Variants in CRB1 observed in about 807,000 individuals in gnomAD.
CRB1 encodes crumbs cell polarity complex component 1.
A neutral mutation model predicts 120.0 loss-of-function variants in CRB1; 83 were observed. The observed-to-expected ratio is 0.69, with a 90% CI of 0.58 to 0.83. The LOEUF (loss-of-function observed/expected upper bound fraction) is 0.83, where lower values mean the gene tolerates loss of function less well. CRB1 is among the 40% of genes least tolerant of loss of function. The pLI, the probability that CRB1 is intolerant of heterozygous loss-of-function variation, is 0.00. For synonymous variants in CRB1, 625 were observed against 612.5 expected, an observed-to-expected ratio of 1.02 and a Z score of -0.30; for missense variants, 1,699 against 1,687.6, an observed-to-expected ratio of 1.01 and a Z score of -0.12.
At chr1:197,219,734 C>T in the CRB1 span, among the ~76,000 whole-genome samples, 3 of 152,196 alleles carry the variant, frequency 2.0e-5, no homozygotes, top group South Asian at 4.1e-4. Context: ...CTCAACAAAA[C>T]TTGTATGATC....
the CRB1 span, among the ~76,000 whole-genome samples, chr1:197,219,619 G>A: frequency 2.0e-5 from 3 of 152,200 alleles, no homozygotes; most frequent in Admixed American, 2.0e-4. Context: ...CAGCGAATAC[G>A]CAGAGGAGTA....
intron 6 of CRB1, 76 bp from the exon 7 acceptor site, chr1:197,427,378 T>C: frequency 7.5e-7 from 1 of 1,329,104 alleles, no homozygotes; most frequent in East Asian, 2.3e-5. Context: ...ATAATTTTCG[T>C]CTTCCATCCC....
chr1:197,324,024 A>G (rs1290121032), intron 1 of CRB1, among the ~76,000 whole-genome samples: 1 of 152,198 alleles, frequency 6.6e-6, no homozygotes, highest in Non-Finnish European at 1.5e-5. Flanking sequence ...AAACTTTCTC[A>G]GTGAGGCCAC....
chr1:197,268,621 T>C (rs905272868), intron 1 of CRB1, 139 bp downstream of exon 1: 2 of 669,528 alleles, frequency 3.0e-6, no homozygotes, highest in Non-Finnish European at 5.2e-6. Flanking sequence ...TTTTTAAGTG[T>C]CCTGTGTTAA....
rs1330500107 is a variant in CRB1 at position 197,362,069 on chromosome 1, T to TTCCTTTTTGACA, written c.1171+5068_1171+5079dup. 1.4e-3 allele frequency among the ~76,000 whole-genome samples: 217 copies of TTCCTTTTTGACA among 152,180 alleles called. 2 individuals carry two copies. The highest frequency in any genetic ancestry group is 8.1e-4 in the Non-Finnish European group (55 of 67,918). Reference sequence around the variant, plus strand: ...AATACTGTTCTGTGTATTTTTAAAATTCCTTTTTGACATCCTTTTTGACCT... The same window carrying TTCCTTTTTGACA: ...AATACTGTTCTGTGTATTTTTAAAATTCCTTTTTGACATCCTTTTTGACATCCTTTTTGACCT... On this transcript the variant is annotated intron_variant, in intron 5 of 11. Coordinates refer to ENST00000367400, the MANE Select transcript of CRB1 (RefSeq NM_201253.3).
intron 5 of CRB1, among the ~76,000 whole-genome samples, chr1:197,392,385 A>G (rs1662551950): frequency 6.6e-6 from 1 of 152,162 alleles, no homozygotes; most frequent in Admixed American, 6.6e-5. Flanking sequence ...TAACAGGATC[A>G]TAATTATAGA....
chr1:197,327,583 T>A (rs1490692031), intron 1 of CRB1, among the ~76,000 whole-genome samples: 1 of 152,226 alleles, frequency 6.6e-6, no homozygotes, highest in Non-Finnish European at 1.5e-5. Flanking sequence ...TGGGTCTTCA[T>A]CTTCCTTAAA....
intron 5 of CRB1, among the ~76,000 whole-genome samples, chr1:197,394,048 A>G (rs1662645656): frequency 6.6e-6 from 1 of 152,064 alleles, no homozygotes; most frequent in Admixed American, 6.6e-5. Context: ...CTAGAACAAC[A>G]TGGGTTTGAA....
rs769045404 is a variant in CRB1 at position 197,328,909 on chromosome 1, A to C, written c.558A>C (p.Glu186Asp). The change falls in exon 2 of 12, where the codon GAA (glutamate) becomes GAC (aspartate). Residue 186 changes from glutamate to aspartate, a missense_variant. By Grantham distance (45) the Glu-to-Asp change is conservative (BLOSUM62 2). Transcript: ENST00000367400. ...ATCAAGGCAGACACTGCGACTTGGA[A>C]GTGGATGAATGTGCTTCAGATCCCT... is the stretch of plus-strand genomic sequence containing the variant. The part of the protein sequence containing the change: ...PGYQGRHCDL[E>D]VDECASDPCK... 1 of 1,614,246 alleles carries C rather than the reference A, an allele frequency of 6.2e-7. No homozygotes were observed. The highest frequency in any genetic ancestry group is 8.5e-7 in the Non-Finnish European group (1 of 1,180,052).
intron 5 of CRB1, among the ~76,000 whole-genome samples, chr1:197,378,544 T>A (rs1661768854): frequency 6.6e-6 from 1 of 152,208 alleles, no homozygotes. Flanking sequence ...AAAAGGGAAC[T>A]AGACCTACTT....
chr1:197,288,191 T>C (rs1175551410), intron 1 of CRB1, among the ~76,000 whole-genome samples: 1 of 151,692 alleles, frequency 6.6e-6, no homozygotes, highest in South Asian at 2.1e-4. Flanking sequence ...AGCACATGCA[T>C]GTAAGGAAAG....
intron 5 of CRB1, among the ~76,000 whole-genome samples, chr1:197,415,193 G>A (rs1282899043): frequency 6.6e-6 from 1 of 152,174 alleles, no homozygotes; most frequent in African/African-American, 2.4e-5. Flanking sequence ...GGATAAATGA[G>A]AGTGTACTGT....
At chr1:197,277,911 A>G (rs893207419) in intron 1 of CRB1, among the ~76,000 whole-genome samples, 2 of 151,902 alleles carry the variant, frequency 1.3e-5, no homozygotes, top group Admixed American at 6.6e-5. Flanking sequence ...TGATGAGCAG[A>G]GTGTTTTTAG....
intron 1 of CRB1, among the ~76,000 whole-genome samples, chr1:197,326,722 C>A (rs1319135150): frequency 6.6e-6 from 1 of 151,934 alleles, no homozygotes. Flanking sequence ...GGGAACAGAA[C>A]CTTTTTAATT....
the CRB1 span, among the ~76,000 whole-genome samples, chr1:197,239,474 T>A: frequency 6.6e-6 from 1 of 152,110 alleles, no homozygotes; most frequent in African/African-American, 2.4e-5. Flanking sequence ...GTCTGGTAAT[T>A]TTCTTTGCTG....
the CRB1 span, among the ~76,000 whole-genome samples, chr1:197,261,972 C>CT: frequency 6.6e-6 from 1 of 152,048 alleles, no homozygotes; most frequent in African/African-American, 2.4e-5. Context: ...GAAGATAAAT[C>CT]TTTGTACTCT....
intron 11 of CRB1, among the ~76,000 whole-genome samples, chr1:197,448,658 T>A (rs950575315): frequency 1.3e-5 from 2 of 152,216 alleles, no homozygotes; most frequent in African/African-American, 4.8e-5. Flanking sequence ...GACATACTTT[T>A]GTCCTTCCAG....
At chr1:197,222,513 G>A in the CRB1 span, 3 of 768,270 alleles carry the variant, frequency 3.9e-6, no homozygotes, top group Non-Finnish European at 7.3e-6. Flanking sequence ...GGAGAATGCA[G>A]TTCCGTTTGG....
At chr1:197,357,041 T>C (rs1660521705) in intron 5 of CRB1, 28 bp downstream of exon 5, 1 of 1,611,238 alleles carries the variant, frequency 6.2e-7, no homozygotes, top group East Asian at 2.2e-5. Context: ...GGATATGACT[T>C]GACTTTCTGG....
Sources: gnomAD v4.1 joint callset for allele counts (sites outside exome capture counted in the v4.1 genomes callset) on GRCh38, gnomAD v4.1.1 for gene constraint, MANE v1.5 for transcripts, NCBI Gene and HGNC (gene_info 2026-07-23, HGNC 2026-07-21) for gene names.